The following MYO9B variants were observed in gnomAD, a reference collection of about 807,000 sequenced individuals.
MYO9B encodes the protein myosin IXB.
Under a neutral mutation model 229.5 loss-of-function variants are expected in MYO9B, and 71 were observed. The ratio of observed to expected loss-of-function variants is 0.31; its 90% CI spans 0.26 to 0.38. The LOEUF (loss-of-function observed/expected upper bound fraction) is 0.38, where lower values mean the gene tolerates loss of function less well. Among genes scored for constraint, MYO9B ranks in the 10% least tolerant of loss-of-function variants. The pLI is 1.00. For synonymous variants in MYO9B, 1,185 were observed against 1,235.8 expected (o/e 0.96, Z 0.86); for missense variants, 2,255 against 2,920.5 (o/e 0.77, Z 5.25).
At chr19:17,123,945 G>A (rs1439010285) in intron 2 of MYO9B, among the ~76,000 whole-genome samples, 1 of 152,004 alleles carries the variant, frequency 6.6e-6, no homozygotes, top group African/African-American at 2.4e-5. Flanking sequence ...GAGTTCAGTG[G>A]TGCAGTCTTG....
Position 17,143,929 on chromosome 19 carries a change from A to G in MYO9B, c.841-1468A>G, listed in dbSNP as rs553769644. ...GGGCAAGACTCTGTCTCAAAATAAA[A>G]AAGAAAAGAAAAAGAAAAATAACTG... On this transcript the variant is annotated intron_variant, in intron 2 of 39. Coordinates refer to ENST00000682292, the MANE Select transcript of MYO9B (RefSeq NM_004145.4). 4.0e-5 allele frequency among the ~76,000 whole-genome samples: 6 copies of G among 150,858 alleles called. No homozygotes were observed. The South Asian group carries it at 1.1e-3, about 26-fold the overall frequency.
chr19:17,186,451 A>G (rs2072920473), intron 18 of MYO9B, among the ~76,000 whole-genome samples: 1 of 151,916 alleles, frequency 6.6e-6, no homozygotes, highest in Admixed American at 6.6e-5. Flanking sequence ...CCAGAGGTCC[A>G]CTCCATCCCT....
intron 10 of MYO9B, among the ~76,000 whole-genome samples, chr19:17,166,669 A>G (rs1285802816): frequency 2.0e-5 from 3 of 151,962 alleles, no homozygotes; most frequent in South Asian, 2.1e-4. Flanking sequence ...CCACCCTCCA[A>G]TAGGCCCCAG....
At chr19:17,087,582 G>A (rs2057595541) in intron 1 of MYO9B, among the ~76,000 whole-genome samples, 1 of 152,128 alleles carries the variant, frequency 6.6e-6, no homozygotes, top group Non-Finnish European at 1.5e-5. Context: ...TCATGTCCTG[G>A]GGCTTCCATA....
intron 3 of MYO9B, among the ~76,000 whole-genome samples, chr19:17,151,139 C>T (rs946148937): frequency 3.3e-5 from 5 of 151,906 alleles, no homozygotes; most frequent in Non-Finnish European, 5.9e-5. Flanking sequence ...ATTAACTGGG[C>T]GTGGTGGTGG....
Position 17,175,669 on chromosome 19 carries a change from G to A in MYO9B, c.2147G>A (p.Ser716Asn). Reference sequence around the variant, plus strand: ...CACTCTGTGTCTCCGGCAGGTATGAGCAGCCCTGGTGCCCAAAGTCACCCA... The same window carrying A: ...CACTCTGTGTCTCCGGCAGGTATGAACAGCCCTGGTGCCCAAAGTCACCCA... The part of the protein sequence containing the change: ...AERAEKAAGM[S>N]SPGAQSHPEE... The change falls in exon 14 of 40, where the codon AGC becomes AAC. Residue 716 changes from serine (S) to asparagine (N), a missense_variant. Around this residue, in one of 7 missense-constraint regions of MYO9B, gnomAD observed 155 missense variants for 159.1 expected, o/e 0.97. Coordinates refer to ENST00000682292, the MANE Select transcript of MYO9B (RefSeq NM_004145.4). 1 of 1,573,504 alleles carries A rather than the reference G, an allele frequency of 6.4e-7. No individual in the cohort carries two copies.
chr19:17,195,587 C>T lies in MYO9B; in HGVS notation c.4046+114C>T, dbSNP rs185422858. The T allele has an allele frequency of 2.8e-5, 37 of 1,340,336 alleles. No individual in the cohort carries two copies. In the Admixed American group the frequency reaches 6.8e-4, roughly 25 times the overall value. The allele number at this position is 1,340,336 out of a possible 1,614,324, so 83.0% of individuals were successfully genotyped here. A position where few individuals can be genotyped will look rare whatever the true frequency, so the allele number is the denominator to read the frequency against. On this transcript the variant is annotated intron_variant, in intron 22 of 39. Coordinates refer to ENST00000682292, the MANE Select transcript of MYO9B (RefSeq NM_004145.4). This position sits in a 1 kb window ranked among gnomAD's most constrained non-coding sequence, Gnocchi z 4.5. Reference sequence around the variant, plus strand: ...TGTGTAATCATGCCCAGTGGGTGTGCGGGAGGCCTGAGGGAGGAGGACGAG... The same window carrying T: ...TGTGTAATCATGCCCAGTGGGTGTGTGGGAGGCCTGAGGGAGGAGGACGAG...
chr19:17,153,257 C>T (rs907645089), intron 4 of MYO9B, among the ~76,000 whole-genome samples: 1 of 151,670 alleles, frequency 6.6e-6, no homozygotes, highest in Non-Finnish European at 1.5e-5. Context: ...GATCCCAGCT[C>T]ACTGCAACCT....
chr19:17,127,299 C>T (rs1038916094), intron 2 of MYO9B, among the ~76,000 whole-genome samples: 6 of 149,736 alleles, frequency 4.0e-5, no homozygotes, highest in Admixed American at 1.3e-4. Flanking sequence ...CCACCATGCC[C>T]GGCCAATTTT....
intron 1 of MYO9B, among the ~76,000 whole-genome samples, chr19:17,089,510 G>T (rs893506155): frequency 6.6e-6 from 1 of 152,086 alleles, no homozygotes; most frequent in Admixed American, 6.6e-5. Context: ...AGTAAATTCC[G>T]AATCCTCCGC....
At position 17,184,742 on chromosome 19, in the gene MYO9B, G is replaced by A. The variant is rs910218674; in HGVS notation, c.2374-123G>A. ...TGTGGTCCTGAGACCAAACCTAAGA[G>A]CTGCTGCCCGGGCACTCGCTGCGGG... On this transcript the variant is annotated intron_variant, in intron 16 of 39. Coordinates refer to ENST00000682292, the MANE Select transcript of MYO9B (RefSeq NM_004145.4). 3.0e-6 allele frequency: 4 copies of A among 1,320,412 alleles called. No homozygotes were observed. The African/African-American group carries it at 5.9e-5, about 19-fold the overall frequency. The allele number at this position is 1,320,412 out of a possible 1,614,324, so 81.8% of individuals were successfully genotyped here.
rs1018143272 is a variant in MYO9B at position 17,207,362 on chromosome 19, C to T, written c.5624+118C>T. On this transcript the variant is annotated intron_variant, in intron 35 of 39. Coordinates refer to ENST00000682292, the MANE Select transcript of MYO9B (RefSeq NM_004145.4). The stretch of plus-strand genomic sequence containing the variant: ...AAGAAAAGTCCAGAGCCGAGTGCAG[C>T]GGTTCACACCTGTAATCCTAGCTAC... The T allele has an allele frequency of 9.7e-5, 131 of 1,349,786 alleles. No homozygotes were observed. In the African/African-American group the frequency reaches 1.6e-3, roughly 17 times the overall value. The allele number at this position is 1,349,786 out of a possible 1,614,324, so 83.6% of individuals were successfully genotyped here.
At position 17,162,974 on chromosome 19, in the gene MYO9B, T is replaced by G. The variant is rs369495562; in HGVS notation, c.1537-14T>G. The G allele has an allele frequency of 3.7e-6, 6 of 1,607,228 alleles. No homozygotes were observed. The highest frequency in any genetic ancestry group is 5.1e-6 in the Non-Finnish European group (6 of 1,177,112). On this transcript the variant is annotated splice_polypyrimidine_tract_variant and intron_variant, in intron 9 of 39. Coordinates refer to ENST00000682292, the MANE Select transcript of MYO9B (RefSeq NM_004145.4). The stretch of plus-strand genomic sequence containing the variant: ...GCACCTGCGGGCAGTGACCATTTTC[T>G]CTGTCTCTCCCAGTGCCTGTCCATT...
In MYO9B at chr19:17,156,776, T is replaced by G. The variant is rs2072541948; in HGVS notation, c.1200-133T>G. 4.9e-6 allele frequency: 5 copies of G among 1,016,058 alleles called. No homozygotes were observed. In the South Asian group the frequency reaches 8.0e-5, roughly 16 times the overall value. The allele number at this position is 1,016,058 out of a possible 1,614,324, so 62.9% of individuals were successfully genotyped here. ...CAGAGGCCATCCTCAACAGAGGCCT[T>G]AGACATTTTTCAAATTTCATGCGTT... On this transcript the variant is annotated intron_variant, in intron 6 of 39. Transcript: ENST00000682292.
chr19:17,161,751 G>A (rs113890635), intron 8 of MYO9B, among the ~76,000 whole-genome samples: 12,285 of 152,092 alleles, frequency 0.081, 649 homozygotes, highest in Middle Eastern at 0.14. Context: ...AGGAGGGAGA[G>A]GTTGCAGTGA....
At chr19:17,158,686 C>G (rs11672256) in intron 7 of MYO9B, among the ~76,000 whole-genome samples, 58,099 of 151,792 alleles carry the variant, frequency 0.38, 11,623 homozygotes, top group African/African-American at 0.51. Flanking sequence ...CTTGGCAGTG[C>G]GGGGAGGGAT....
At chr19:17,158,174 T>C (rs937151757) in intron 7 of MYO9B, among the ~76,000 whole-genome samples, 6 of 152,194 alleles carry the variant, frequency 3.9e-5, no homozygotes, top group Non-Finnish European at 8.8e-5. Flanking sequence ...CCCCAGTCTT[T>C]TGTTTTTTAA....
intron 1 of MYO9B, among the ~76,000 whole-genome samples, chr19:17,081,078 G>A (rs2057529714): frequency 1.3e-5 from 2 of 152,022 alleles, no homozygotes; most frequent in South Asian, 2.1e-4. Context: ...CCCAGGCTGG[G>A]GTGCAGTGAC....
At position 17,197,816 on chromosome 19, in the gene MYO9B, G is replaced by A. The variant is rs368527258; in HGVS notation, c.4071G>A (p.Thr1357=). The A allele has an allele frequency of 1.4e-5, 23 of 1,613,632 alleles. No homozygotes were observed. Among genetic ancestry groups the A allele is most frequent in the African/African-American group, 6.7e-5 (5 of 74,922 alleles). The change falls in exon 23 of 40, where the codon ACG becomes ACA. Residue 1357 remains threonine (T), a synonymous_variant. Coordinates refer to ENST00000682292, the MANE Select transcript of MYO9B (RefSeq NM_004145.4). ...PTEERRTSFS[T]SDVSKLLPSL... is the part of the protein sequence containing the mutation. ...GGGAGAGGCGCACCTCCTTCTCCAC[G>A]AGCGACGTCTCCAAGCTCCTCCCGT...
Sources: gnomAD v4.1 joint callset for allele counts (sites outside exome capture counted in the v4.1 genomes callset) on GRCh38, gnomAD v4.1.1 for gene constraint, gnomAD v4.1.1 regional missense constraint, Gnocchi (gnomAD v3.1) non-coding constraint, MANE v1.5 for transcripts, NCBI Gene and HGNC (gene_info 2026-07-23, HGNC 2026-07-21) for gene names.